Variants in LRP5 observed in about 807,000 individuals in gnomAD.
LRP5 encodes the protein low-density lipoprotein receptor-related protein 5.
A neutral mutation model predicts 154.1 loss-of-function variants in LRP5; 62 were observed. That is an observed-to-expected ratio of 0.40 (90% CI 0.33 to 0.50). The LOEUF is 0.50. Ranked by LOEUF, LRP5 falls within the 20% of genes least tolerant of loss-of-function variation. The probability of loss-of-function intolerance (pLI) is 0.55; values close to 1 mark genes in which losing one functional copy is unlikely to be tolerated. For missense variants in LRP5, 1,915 were observed against 2,336.7 expected (o/e 0.82, Z 3.72); for synonymous variants, 966 against 1,011.5 (o/e 0.96, Z 0.85).
Position 68,364,356 on chromosome 11 carries a change from A to ATGTGTGTG in LRP5, c.883+414_883+415insGTGTGTGT, listed in dbSNP as rs201962983. Among the ~76,000 whole-genome samples the ATGTGTGTG allele has an allele frequency of 5.2e-4, 66 of 127,498 alleles. 1 individual carries two copies. The highest frequency in any genetic ancestry group is 7.7e-4 in the Non-Finnish European group (43 of 56,028). 83.6% of individuals were successfully genotyped at this position (127,498 alleles called of 152,430 possible). A position where few individuals can be genotyped will look rare whatever the true frequency, so the allele number is the denominator to read the frequency against. ...TATATGGTTATTTATATATACATAT[A>ATGTGTGTG]TATGTGTGTGTGTGTGTGTGTGTGT... On this transcript the variant is annotated intron_variant, in intron 4 of 22. Coordinates refer to ENST00000294304, the MANE Select transcript of LRP5 (RefSeq NM_002335.4).
intron 1 of LRP5, among the ~76,000 whole-genome samples, chr11:68,328,013 A>T (rs2153117187): frequency 6.6e-6 from 1 of 152,350 alleles, no homozygotes; most frequent in South Asian, 2.1e-4. Flanking sequence ...CCAAACCCAC[A>T]TGCATATTTA....
chr11:68,338,867 G>GTTTTTTTTT (rs11382677), intron 1 of LRP5, among the ~76,000 whole-genome samples: 9 of 91,940 alleles, frequency 9.8e-5, no homozygotes, highest in East Asian at 3.6e-4. Context: ...CTTTTGTTTA[G>GTTTTTTTTT]TTTTTTTTTT....
At chr11:68,427,729 A>G (rs2098669553) in intron 16 of LRP5, among the ~76,000 whole-genome samples, 1 of 151,660 alleles carries the variant, frequency 6.6e-6, no homozygotes, top group Non-Finnish European at 1.5e-5. Context: ...CCCTATCCCA[A>G]AAAAACCGAA....
At chr11:68,434,022 C>T (rs2098673469) in intron 18 of LRP5, among the ~76,000 whole-genome samples, 184 bp downstream of exon 18, 1 of 152,212 alleles carries the variant, frequency 6.6e-6, no homozygotes, top group East Asian at 1.9e-4. Context: ...CCTGTCCCAC[C>T]AGGTAGTGTG....
At chr11:68,381,858 G>A (rs550713104) in intron 5 of LRP5, among the ~76,000 whole-genome samples, 14 of 152,282 alleles carry the variant, frequency 9.2e-5, no homozygotes, top group Admixed American at 4.6e-4. Flanking sequence ...GCTGCTGCCC[G>A]GACCTCTCTA....
chr11:68,441,921 C>G (rs2098678396), intron 21 of LRP5, among the ~76,000 whole-genome samples: 1 of 152,202 alleles, frequency 6.6e-6, no homozygotes, highest in Non-Finnish European at 1.5e-5. Flanking sequence ...ATTTTGCATC[C>G]TTTAAATATA....
chr11:68,380,505 C>T (rs1345171559), intron 5 of LRP5, among the ~76,000 whole-genome samples: 1 of 152,230 alleles, frequency 6.6e-6, no homozygotes, highest in Non-Finnish European at 1.5e-5. Flanking sequence ...GGATAGGACC[C>T]GTCCGACGAT....
intron 7 of LRP5, among the ~76,000 whole-genome samples, chr11:68,391,611 A>C (rs1188726921): frequency 6.6e-6 from 1 of 152,192 alleles, no homozygotes; most frequent in Non-Finnish European, 1.5e-5. Flanking sequence ...TGGGGAACCC[A>C]GGGATGGGGG....
chr11:68,422,295 C>T (rs1046897525), intron 13 of LRP5, among the ~76,000 whole-genome samples: 1 of 152,218 alleles, frequency 6.6e-6, no homozygotes, highest in Non-Finnish European at 1.5e-5. Flanking sequence ...TCTGAAAAGA[C>T]TTACTATCAG....
chr11:68,303,613 C>A, the LRP5 span, among the ~76,000 whole-genome samples: 1 of 152,200 alleles, frequency 6.6e-6, no homozygotes, highest in African/African-American at 2.4e-5. Context: ...CCTGCCTCAG[C>A]CTCTCCAGTA....
At chr11:68,337,030 TA>T (rs1193625846) in intron 1 of LRP5, among the ~76,000 whole-genome samples, 2 of 152,176 alleles carry the variant, frequency 1.3e-5, no homozygotes, top group Non-Finnish European at 2.9e-5. Context: ...GTAAAAACTG[TA>T]AATAAAATGC....
intron 2 of LRP5, 97 bp from the exon 3 acceptor site, chr11:68,357,553 C>T (rs577293818): frequency 8.7e-7 from 1 of 1,155,666 alleles, no homozygotes. Flanking sequence ...GATTTTAGGG[C>T]AAGTTCACTG....
intron 7 of LRP5, among the ~76,000 whole-genome samples, chr11:68,397,486 TCCAG>T (rs2098650105): frequency 6.6e-6 from 1 of 152,174 alleles, no homozygotes; most frequent in Non-Finnish European, 1.5e-5. Flanking sequence ...CCGGGGTCAC[TCCAG>T]CCGTATGCCA....
chr11:68,339,857 G>A (rs76203588), intron 1 of LRP5, among the ~76,000 whole-genome samples: 2,445 of 152,248 alleles, frequency 0.016, 69 homozygotes, highest in African/African-American at 0.055. Flanking sequence ...TATATATGTA[G>A]GAGTGGAATT....
chr11:68,338,366 A>T (rs1019424106), intron 1 of LRP5, among the ~76,000 whole-genome samples: 6 of 152,348 alleles, frequency 3.9e-5, no homozygotes, highest in Middle Eastern at 3.4e-3. Context: ...GGAAGCCCAG[A>T]CATCTGTTAT....
intron 2 of LRP5, among the ~76,000 whole-genome samples, chr11:68,352,449 TC>T (rs2098619496): frequency 6.6e-6 from 1 of 152,194 alleles, no homozygotes; most frequent in Admixed American, 6.5e-5. Flanking sequence ...CCACCAGAAG[TC>T]CAGTCTCCAT....
At chr11:68,365,797 A>AAACCC in intron 5 of LRP5, 95 bp downstream of exon 5, 2 of 1,280,896 alleles carry the variant, frequency 1.6e-6, no homozygotes, top group Non-Finnish European at 2.1e-6. Context: ...GAACCTCGGC[A>AAACCC]AACCCGTTCG....
At chr11:68,373,238 T>A (rs1335683140) in intron 5 of LRP5, among the ~76,000 whole-genome samples, 1 of 152,192 alleles carries the variant, frequency 6.6e-6, no homozygotes, top group Non-Finnish European at 1.5e-5. Flanking sequence ...TTCCTGATTT[T>A]GAGCAAATGA....
intron 1 of LRP5, among the ~76,000 whole-genome samples, chr11:68,347,202 G>A (rs1189600303): frequency 3.3e-5 from 5 of 152,208 alleles, no homozygotes; most frequent in Admixed American, 2.6e-4. Context: ...TGAGCCAAGG[G>A]GTGGCATTCC....
Sources: gnomAD v4.1 joint callset for allele counts (sites outside exome capture counted in the v4.1 genomes callset) on GRCh38, gnomAD v4.1.1 for gene constraint, MANE v1.5 for transcripts, NCBI Gene and HGNC (gene_info 2026-07-23, HGNC 2026-07-21) for gene names.